ERBB4: variants seen among roughly 807,000 people sequenced by gnomAD.
ERBB4 encodes receptor tyrosine-protein kinase erbB-4.
In ERBB4, 42 loss-of-function variants were observed where a neutral mutation model predicts 158.0. The ratio of observed to expected loss-of-function variants is 0.27; its 90% CI spans 0.21 to 0.34. The LOEUF is 0.34. Ranked by LOEUF, ERBB4 falls within the 10% of genes least tolerant of loss-of-function variation. The probability of loss-of-function intolerance (pLI) is 1.00; values close to 1 mark genes in which losing one functional copy is unlikely to be tolerated. For synonymous variants in ERBB4, 583 were observed against 558.7 expected (o/e 1.04, Z -0.61); for missense variants, 1,333 against 1,624.1 (o/e 0.82, Z 3.08).
chr2:212,460,077 C>T (rs1688495922), intron 1 of ERBB4, among the ~76,000 whole-genome samples: 2 of 152,080 alleles, frequency 1.3e-5, no homozygotes, highest in African/African-American at 2.4e-5. Flanking sequence ...AAGAGTAATT[C>T]CCCTGCACAA....
chr2:212,471,941 G>A (rs1260959185), intron 1 of ERBB4, among the ~76,000 whole-genome samples: 1 of 151,684 alleles, frequency 6.6e-6, no homozygotes, highest in African/African-American at 2.4e-5. Flanking sequence ...CTCAAATTAG[G>A]GGCAATGTCA....
intron 1 of ERBB4, among the ~76,000 whole-genome samples, chr2:212,319,559 T>C (rs1394864789): frequency 1.7e-4 from 25 of 150,632 alleles, no homozygotes; most frequent in Admixed American, 1.7e-3. Flanking sequence ...AGATTGAATC[T>C]AGCTGTCACT....
At chr2:211,914,370 AGTT>A (rs2079628931) in intron 3 of ERBB4, among the ~76,000 whole-genome samples, 1 of 152,058 alleles carries the variant, frequency 6.6e-6, no homozygotes, top group Non-Finnish European at 1.5e-5. Context: ...TTATGTTAGG[AGTT>A]GTAAGTTTCA....
chr2:211,912,240 G>C (rs2079558018), intron 3 of ERBB4, among the ~76,000 whole-genome samples: 1 of 152,120 alleles, frequency 6.6e-6, no homozygotes, highest in Non-Finnish European at 1.5e-5. Context: ...TTAGGCAGGT[G>C]AAGAAATGAG....
intron 20 of ERBB4, among the ~76,000 whole-genome samples, chr2:211,461,206 A>G (rs1255198410): frequency 6.6e-6 from 1 of 152,164 alleles, no homozygotes; most frequent in African/African-American, 2.4e-5. Context: ...ATATTTTTTA[A>G]ATTATTGTAA....
intron 1 of ERBB4, among the ~76,000 whole-genome samples, chr2:212,273,104 C>T (rs1298725014): frequency 6.6e-6 from 1 of 151,690 alleles, no homozygotes; most frequent in Non-Finnish European, 1.5e-5. Flanking sequence ...ACCAACATAG[C>T]ATTCTTTCTT....
chr2:211,450,251 A>G (rs2064211345), intron 20 of ERBB4, among the ~76,000 whole-genome samples: 2 of 152,240 alleles, frequency 1.3e-5, no homozygotes, highest in South Asian at 4.1e-4. Flanking sequence ...AGGCTGGAGG[A>G]GTGTGCAAGG....
intron 1 of ERBB4, among the ~76,000 whole-genome samples, chr2:212,354,216 G>A (rs1364109306): frequency 6.6e-6 from 1 of 152,064 alleles, no homozygotes; most frequent in African/African-American, 2.4e-5. Context: ...GAGGTTTAAA[G>A]CAACTGTCCC....
chr2:212,373,953 TATATATATCC>T (rs1245328997), intron 1 of ERBB4, among the ~76,000 whole-genome samples: 9 of 111,032 alleles, frequency 8.1e-5, no homozygotes, highest in Admixed American at 5.5e-4. Context: ...ATATATATCA[TATATATATCC>T]ATATATATCC....
chr2:212,319,805 C>A (rs2087474514), intron 1 of ERBB4, among the ~76,000 whole-genome samples: 1 of 150,168 alleles, frequency 6.7e-6, no homozygotes, highest in African/African-American at 2.4e-5. Flanking sequence ...GTAAACAATG[C>A]CAGCCCCTTT....
At chr2:212,012,872 G>T (rs1353886416) in intron 2 of ERBB4, among the ~76,000 whole-genome samples, 1 of 151,772 alleles carries the variant, frequency 6.6e-6, no homozygotes, top group Non-Finnish European at 1.5e-5. Flanking sequence ...AGCCTCCCCA[G>T]TAGCTGGGAC....
chr2:211,712,148 C>T lies in ERBB4; in HGVS notation c.1026G>A (p.Leu342=), dbSNP rs149272231. ...TGGAATCCACAGTCTGAGCTGACAT[C>T]AATGATCCTGTGCCAATGCCATCAC... ...KACDGIGTGS[L]MSAQTVDSSN... is the part of the protein sequence containing the mutation. The change falls in exon 9 of 28, where the codon TTG becomes TTA. Residue 342 remains leucine (L), a synonymous_variant. Coordinates refer to ENST00000342788, the MANE Select transcript of ERBB4 (RefSeq NM_005235.3). 71 of 1,613,234 alleles carry T rather than the reference C, an allele frequency of 4.4e-5. No homozygotes were observed. The African/African-American group carries it at 6.4e-4, about 15-fold the overall frequency.
At chr2:211,415,140 G>T (rs1218908186) in intron 25 of ERBB4, among the ~76,000 whole-genome samples, 1 of 83,660 alleles carries the variant, frequency 1.2e-5, no homozygotes, top group Non-Finnish European at 2.3e-5. Context: ...TTTTTGAGAC[G>T]GAGTCTCGCT....
chr2:211,580,768 G>A lies in ERBB4; in HGVS notation c.2302-18680C>T, dbSNP rs571396651. Among the ~76,000 whole-genome samples the A allele has an allele frequency of 1.0e-3, 129 of 126,276 alleles. 1 individual carries two copies. Among genetic ancestry groups the A allele is most frequent in the African/African-American group, 3.8e-3 (121 of 31,986 alleles). The allele number at this position is 126,276 out of a possible 152,430, so 82.8% of individuals were successfully genotyped here. A position where few individuals can be genotyped will look rare whatever the true frequency, so the allele number is the denominator to read the frequency against. On this transcript the variant is annotated intron_variant, in intron 19 of 27. Transcript: ENST00000342788. The stretch of plus-strand genomic sequence containing the variant: ...CCAACCCAAATCCCCATCAATCAAC[G>A]GGTAGATAAAGAAATTGTGATATAT...
At chr2:211,661,766 G>A (rs74534175) in intron 15 of ERBB4, among the ~76,000 whole-genome samples, 4 of 151,826 alleles carry the variant, frequency 2.6e-5, no homozygotes, top group South Asian at 2.1e-4. Flanking sequence ...ACGGCCGGGC[G>A]CGGTGGCTCA....
At chr2:212,489,777 GTATT>G (rs1205966782) in intron 1 of ERBB4, among the ~76,000 whole-genome samples, 6 of 149,784 alleles carry the variant, frequency 4.0e-5, no homozygotes, top group Non-Finnish European at 7.4e-5. Context: ...CTCACATGCT[GTATT>G]TAATTCACAT....
In ERBB4 at chr2:212,425,362, A is replaced by ATGGATACATATATATGAACATATATGTG. The variant is rs1560285655; in HGVS notation, c.82+113086_82+113087insCACATATATGTTCATATATATGTATCCA. Among the ~76,000 whole-genome samples, 1,239 of 147,776 alleles carry ATGGATACATATATATGAACATATATGTG rather than the reference A, an allele frequency of 8.4e-3. 23 individuals carry two copies. The highest frequency in any genetic ancestry group is 0.049 in the South Asian group (233 of 4,740). ...GATACATATATATGAACATATATGT[A>ATGGATACATATATATGAACATATATGTG]TATGTATACATATATATGAACATAT... On this transcript the variant is annotated intron_variant, in intron 1 of 27. Transcript: ENST00000342788.
At chr2:212,058,742 C>A (rs946354701) in intron 2 of ERBB4, among the ~76,000 whole-genome samples, 4 of 152,124 alleles carry the variant, frequency 2.6e-5, no homozygotes, top group Admixed American at 6.5e-5. Context: ...ATTCAACAGC[C>A]CTTCATGCTA....
chr2:212,063,901 A>G (rs969497654), intron 2 of ERBB4, among the ~76,000 whole-genome samples: 3 of 152,142 alleles, frequency 2.0e-5, no homozygotes, highest in Non-Finnish European at 4.4e-5. Flanking sequence ...AGTAGGAGCT[A>G]TTAAAGACCA....
Sources: gnomAD v4.1 joint callset for allele counts (sites outside exome capture counted in the v4.1 genomes callset) on GRCh38, gnomAD v4.1.1 for gene constraint, MANE v1.5 for transcripts, NCBI Gene and HGNC (gene_info 2026-07-23, HGNC 2026-07-21) for gene names.